The following ABAT variants were observed in gnomAD, a reference collection of about 807,000 sequenced individuals.
ABAT encodes the protein 4-aminobutyrate aminotransferase, mitochondrial.
In ABAT, 45 loss-of-function variants were observed where a neutral mutation model predicts 64.6. That is an observed-to-expected ratio of 0.70 (90% confidence interval 0.55 to 0.89). The LOEUF (loss-of-function observed/expected upper bound fraction) is 0.89, where lower values mean the gene tolerates loss of function less well. Ranked by LOEUF, ABAT falls within the 40% of genes least tolerant of loss-of-function variation. The probability of loss-of-function intolerance (pLI) is 0.00; values close to 1 mark genes in which losing one functional copy is unlikely to be tolerated. For missense variants in ABAT, 633 were observed against 658.4 expected (o/e 0.96, Z 0.42); for synonymous variants, 297 against 250.5 (o/e 1.19, Z -1.75).
In ABAT at chr16:8,770,805, A is replaced by G. The variant is rs137991325; in HGVS notation, c.816+1832A>G. On this transcript the variant is annotated intron_variant, in intron 11 of 15. Transcript: ENST00000268251. ...ATTCATTTTCAGAGCATTTTATTGA[A>G]CCGAATATATTCAAAATATTATCAC... Among the ~76,000 whole-genome samples the G allele has an allele frequency of 3.1e-3, 474 of 152,354 alleles. 1 individual carries two copies. The highest frequency in any genetic ancestry group is 0.011 in the African/African-American group (452 of 41,584).
At chr16:8,681,628 C>T (rs2057335723) in intron 1 of ABAT, among the ~76,000 whole-genome samples, 1 of 141,656 alleles carries the variant, frequency 7.1e-6, no homozygotes, top group Non-Finnish European at 1.5e-5. Context: ...GCCCCTAATC[C>T]AATGACTGCT....
intron 1 of ABAT, among the ~76,000 whole-genome samples, chr16:8,681,157 C>T (rs980088863): frequency 6.6e-6 from 1 of 151,894 alleles, no homozygotes; most frequent in Non-Finnish European, 1.5e-5. Context: ...TTTTAAAAAG[C>T]ATTTTTTTGT....
Position 8,781,718 on chromosome 16 carries a change from T to C in ABAT, c.*288T>C, listed in dbSNP as rs538609140. On this transcript the variant is annotated 3_prime_UTR_variant, in exon 16 of 16. Coordinates refer to ENST00000268251, the MANE Select transcript of ABAT (RefSeq NM_020686.6). This position sits in a 1 kb window ranked among gnomAD's most constrained non-coding sequence, Gnocchi z 4.5. The stretch of plus-strand genomic sequence containing the variant: ...GGGCCATGGGAGGTCCTGGCTAGAG[T>C]TCTGCCCAACCTTGACCAACCCCAG... 5.2e-5 allele frequency: 26 copies of C among 503,858 alleles called. No individual in the cohort carries two copies. The highest frequency in any genetic ancestry group is 5.1e-4 in the South Asian group (25 of 48,744). The allele number at this position is 503,858 out of a possible 1,614,324, so 31.2% of individuals were successfully genotyped here. A position where few individuals can be genotyped will look rare whatever the true frequency, so the allele number is the denominator to read the frequency against.
At chr16:8,746,770 C>A (rs1641008) in intron 3 of ABAT, among the ~76,000 whole-genome samples, 76,421 of 151,686 alleles carry the variant, frequency 0.5, 21,400 homozygotes, top group Non-Finnish European at 0.61. Flanking sequence ...TATCAGTTTT[C>A]TCCTACCACA....
chr16:8,766,994 T>G (rs2059964564), intron 9 of ABAT, among the ~76,000 whole-genome samples: 1 of 151,908 alleles, frequency 6.6e-6, no homozygotes, highest in Non-Finnish European at 1.5e-5. Context: ...ACAAAAAAAG[T>G]ACAAGAGGGT....
intron 14 of ABAT, among the ~76,000 whole-genome samples, chr16:8,777,294 C>A (rs1329067003): frequency 6.6e-6 from 1 of 151,960 alleles, no homozygotes. Flanking sequence ...GTTCATTATT[C>A]CCGCCTTTGT....
intron 1 of ABAT, among the ~76,000 whole-genome samples, chr16:8,698,885 G>A (rs1477395039): frequency 6.6e-6 from 1 of 152,204 alleles, no homozygotes; most frequent in South Asian, 2.1e-4. Flanking sequence ...GGTGGAGGTT[G>A]AAGTGAGCCA....
intron 1 of ABAT, among the ~76,000 whole-genome samples, chr16:8,726,262 C>CTTTTTTTTTTTTTTTTTT (rs71152921): frequency 8.3e-6 from 1 of 120,818 alleles, no homozygotes; most frequent in Non-Finnish European, 1.7e-5. Context: ...ATGACTAGAT[C>CTTTTTTTTTTTTTTTTTT]TTTTTTTTTT....
rs973915535 is a variant in ABAT at position 8,783,127 on chromosome 16, C to G, written c.*1697C>G. ...GGTTTAAGGTCACCTGCACTCCCAGCCAAGTGGTGATGTATGCCTCCCACT... is the reference window on the plus strand; with the variant it reads ...GGTTTAAGGTCACCTGCACTCCCAGGCAAGTGGTGATGTATGCCTCCCACT... On this transcript the variant is annotated 3_prime_UTR_variant, in exon 16 of 16. Transcript: ENST00000268251. 3 of 152,162 alleles carry G rather than the reference C, an allele frequency of 2.0e-5. No individual in the cohort carries two copies. The highest frequency in any genetic ancestry group is 4.4e-5 in the Non-Finnish European group (3 of 68,036). The allele number at this position is 152,162 out of a possible 1,614,324, so 9.4% of individuals were successfully genotyped here.
intron 1 of ABAT, among the ~76,000 whole-genome samples, chr16:8,734,044 C>T (rs1000223666): frequency 1.3e-5 from 2 of 152,138 alleles, no homozygotes; most frequent in African/African-American, 4.8e-5. Flanking sequence ...TGTCAATGGA[C>T]GTCTAGGTTG....
intron 1 of ABAT, among the ~76,000 whole-genome samples, chr16:8,691,926 T>A (rs956227214): frequency 2.6e-5 from 4 of 152,208 alleles, no homozygotes; most frequent in African/African-American, 7.2e-5. Context: ...AAACCCTGAA[T>A]AAAAGAGCAC....
At chr16:8,752,741 T>G (rs1014343566) in intron 5 of ABAT, among the ~76,000 whole-genome samples, 6 of 152,198 alleles carry the variant, frequency 3.9e-5, no homozygotes, top group Non-Finnish European at 8.8e-5. Flanking sequence ...CACTCCAGCC[T>G]GAGGCAACAG....
intron 15 of ABAT, among the ~76,000 whole-genome samples, chr16:8,779,845 G>A (rs2060381594): frequency 6.6e-6 from 1 of 152,216 alleles, no homozygotes; most frequent in African/African-American, 2.4e-5. Flanking sequence ...CAGTGATGAT[G>A]AAGACCATCA....
chr16:8,755,935 G>A (rs1244183964), intron 5 of ABAT, among the ~76,000 whole-genome samples: 1 of 152,152 alleles, frequency 6.6e-6, no homozygotes, highest in Non-Finnish European at 1.5e-5. Context: ...TGTAGGCCCA[G>A]CTACTCGGGA....
chr16:8,678,447 T>C (rs1005453717), intron 1 of ABAT, among the ~76,000 whole-genome samples: 1 of 152,190 alleles, frequency 6.6e-6, no homozygotes, highest in Non-Finnish European at 1.5e-5. Flanking sequence ...TGTTTCTCAC[T>C]CTACAGATAA....
intron 1 of ABAT, among the ~76,000 whole-genome samples, chr16:8,712,658 G>T (rs1243606934): frequency 1.3e-5 from 2 of 152,162 alleles, no homozygotes; most frequent in African/African-American, 4.8e-5. Context: ...TTTGGGGGCT[G>T]GGGGCTGGGG....
rs1206670283 is a variant in ABAT, at chr16:8,781,232, G to C, written c.1382-77G>C. 1.9e-6 allele frequency: 3 copies of C among 1,604,760 alleles called. No homozygotes were observed. Among genetic ancestry groups the C allele is most frequent in the Non-Finnish European group, 2.6e-6 (3 of 1,173,234 alleles). On this transcript the variant is annotated intron_variant, in intron 15 of 15. Transcript: ENST00000268251. The surrounding 1 kb of genome is among the most constrained non-coding windows in gnomAD (Gnocchi z 4.5). ...ATGGATGGATGAGCGTTGCCAACAG[G>C]CATCACTTTCCCCCCAGCTCTCCCA... is the stretch of plus-strand genomic sequence containing the variant.
intron 2 of ABAT, among the ~76,000 whole-genome samples, chr16:8,742,232 G>T (rs1435918810): frequency 6.6e-6 from 1 of 151,956 alleles, no homozygotes; most frequent in Non-Finnish European, 1.5e-5. Context: ...TTGATCCCAC[G>T]CTCTCCAGTC....
At chr16:8,686,307 G>T (rs1372669714) in intron 1 of ABAT, among the ~76,000 whole-genome samples, 10 of 152,200 alleles carry the variant, frequency 6.6e-5, no homozygotes, top group Non-Finnish European at 1.2e-4. Flanking sequence ...AGCCCTAAGT[G>T]TCCAGTCCTG....
Sources: allele counts gnomAD v4.1 joint callset (sites outside exome capture counted in the v4.1 genomes callset), GRCh38; gene constraint gnomAD v4.1.1; non-coding constraint Gnocchi (gnomAD v3.1); transcripts MANE v1.5; gene names NCBI Gene and HGNC (gene_info 2026-07-23, HGNC 2026-07-21).